Variants in TAS1R1 observed in about 807,000 individuals in gnomAD.
TAS1R1 encodes the protein taste 1 receptor member 1, also known as taste receptor type 1 member 1.
TAS1R1 carries 31 observed loss-of-function variants against 45.8 expected under a neutral mutation model. The observed-to-expected ratio is 0.68, with a 90% CI of 0.51 to 0.91. The LOEUF (loss-of-function observed/expected upper bound fraction) is 0.91. TAS1R1 is among the 40% of genes least tolerant of loss of function. TAS1R1 has a pLI of 0.00. For synonymous variants in TAS1R1, 437 were observed against 448.4 expected, an observed-to-expected ratio of 0.97 and a Z score of 0.32; for missense variants, 1,051 against 1,063.9, an observed-to-expected ratio of 0.99 and a Z score of 0.17.
At chr1:6,558,114 A>G (rs2148666115) in intron 1 of TAS1R1, among the ~76,000 whole-genome samples, 1 of 149,676 alleles carries the variant, frequency 6.7e-6, no homozygotes, top group Middle Eastern at 3.5e-3. Flanking sequence ...TGGTACAATC[A>G]TAGCTCACTG....
At chr1:6,571,691 G>A (rs1640021695) in intron 2 of TAS1R1, among the ~76,000 whole-genome samples, 1 of 152,170 alleles carries the variant, frequency 6.6e-6, no homozygotes, top group Non-Finnish European at 1.5e-5. Flanking sequence ...GTGGTGGTGT[G>A]TGCCTGTAAT....
chr1:6,557,681 C>G (rs1355812072), intron 1 of TAS1R1, among the ~76,000 whole-genome samples: 2 of 152,210 alleles, frequency 1.3e-5, no homozygotes, highest in East Asian at 1.9e-4. Flanking sequence ...AAGTGATTCT[C>G]CTGCCTGGGC....
intron 3 of TAS1R1, 67 bp downstream of exon 3, chr1:6,575,459 C>T (rs1253048054): frequency 6.8e-7 from 1 of 1,467,784 alleles, no homozygotes; most frequent in Non-Finnish European, 9.0e-7. Context: ...GCAGAGTGGG[C>T]ACTCTCCGGT....
Position 6,579,676 on chromosome 1 carries a change from C to T in TAS1R1, c.*92C>T. The T allele has an allele frequency of 1.3e-6, 2 of 1,490,824 alleles. No individual in the cohort carries two copies. The highest frequency in any genetic ancestry group is 1.8e-6 in the Non-Finnish European group (2 of 1,127,128). The allele number at this position is 1,490,824 out of a possible 1,614,324, so 92.3% of individuals were successfully genotyped here. A position where few individuals can be genotyped will look rare whatever the true frequency, so the allele number is the denominator to read the frequency against. On this transcript the variant is annotated 3_prime_UTR_variant, in exon 6 of 6. Coordinates refer to ENST00000333172, the MANE Select transcript of TAS1R1 (RefSeq NM_138697.4). Reference sequence around the variant, plus strand: ...GGGTGTCCGGGAGGTCTTTGGGCATCGCGGTCTGGGGTTGGGACGTGTAAG... The same window carrying T: ...GGGTGTCCGGGAGGTCTTTGGGCATTGCGGTCTGGGGTTGGGACGTGTAAG...
intron 1 of TAS1R1, among the ~76,000 whole-genome samples, chr1:6,561,843 C>T (rs940881015): frequency 3.3e-5 from 5 of 152,080 alleles, no homozygotes; most frequent in African/African-American, 1.2e-4. Context: ...TTGGGGTGAT[C>T]AGGCCCAACA....
At chr1:6,564,819 G>C (rs1247513581) in intron 1 of TAS1R1, among the ~76,000 whole-genome samples, 2 of 152,242 alleles carry the variant, frequency 1.3e-5, no homozygotes, top group Non-Finnish European at 2.9e-5. Flanking sequence ...GTCTATAAGA[G>C]TAAGAAGAAA....
intron 1 of TAS1R1, among the ~76,000 whole-genome samples, chr1:6,562,785 G>A (rs1639812211): frequency 6.6e-6 from 1 of 152,196 alleles, no homozygotes; most frequent in Non-Finnish European, 1.5e-5. Flanking sequence ...AGCAGACATA[G>A]GTTGAGGTTC....
chr1:6,576,589 A>G lies in TAS1R1; in HGVS notation c.1435A>G (p.Asn479Asp). ...STWSPVQLNI[N>D]ETKIQWHGKD... ...ATGGTCTCCAGTTCAGCTAAACATA[A>G]ATGAGACCAAAATCCAGTGGCACGG... Residue 479 changes from asparagine (N) to aspartate (D), a missense_variant, in exon 4 of 6, where the codon AAT (asparagine) becomes GAT (aspartate). Coordinates refer to ENST00000333172, the MANE Select transcript of TAS1R1 (RefSeq NM_138697.4). 1 of 1,614,062 alleles carries G rather than the reference A, an allele frequency of 6.2e-7. No individual in the cohort carries two copies.
Position 6,555,340 on chromosome 1 carries a change from C to A in TAS1R1, c.-34C>A. The A allele has an allele frequency of 6.5e-7, 1 of 1,535,732 alleles. No individual in the cohort carries two copies. Among genetic ancestry groups the A allele is most frequent in the Non-Finnish European group, 8.8e-7 (1 of 1,138,144 alleles). On this transcript the variant is annotated 5_prime_UTR_variant, in exon 1 of 6. Transcript: ENST00000333172. ...GCAACTGGCCTCCTTAGAGGCCACT[C>A]CTTGGCCATGCCAGGCGCGGGCATC...
At chr1:6,557,293 A>G (rs766345281) in intron 1 of TAS1R1, among the ~76,000 whole-genome samples, 1 of 152,138 alleles carries the variant, frequency 6.6e-6, no homozygotes, top group Non-Finnish European at 1.5e-5. Flanking sequence ...CAGATACCTG[A>G]AGAATTGTCT....
chr1:6,570,868 C>A (rs1639991247), intron 1 of TAS1R1, 41 bp from the exon 2 acceptor site: 3 of 1,553,412 alleles, frequency 1.9e-6, no homozygotes, highest in Non-Finnish European at 2.6e-6. Flanking sequence ...CTCAGCAGGC[C>A]TTTGTCCTTC....
In TAS1R1 at chr1:6,564,796, G is replaced by A. The variant is rs1042820967; in HGVS notation, c.192-6113G>A. On this transcript the variant is annotated intron_variant, in intron 1 of 5. Transcript: ENST00000333172. ...GAAGAGGTCAGAAATGCTTCTACCC[G>A]CTCAGAGAAGGTGTCTATAAGAGTA... is the stretch of plus-strand genomic sequence containing the variant. 2.6e-5 allele frequency among the ~76,000 whole-genome samples: 4 copies of A among 152,182 alleles called. 1 individual carries two copies. Among genetic ancestry groups the A allele is most frequent in the African/African-American group, 7.2e-5 (3 of 41,430 alleles).
intron 1 of TAS1R1, among the ~76,000 whole-genome samples, chr1:6,564,522 G>C (rs1045429969): frequency 6.6e-6 from 1 of 152,132 alleles, no homozygotes; most frequent in African/African-American, 2.4e-5. Flanking sequence ...GGAGGTCCAG[G>C]GTTTCTGGAC....
intron 1 of TAS1R1, among the ~76,000 whole-genome samples, chr1:6,567,140 A>G (rs910544917): frequency 4.6e-5 from 7 of 152,176 alleles, no homozygotes; most frequent in Non-Finnish European, 1.0e-4. Context: ...TAGAAAGACT[A>G]TGAGAAAATG....
intron 2 of TAS1R1, among the ~76,000 whole-genome samples, chr1:6,572,038 C>T (rs978196346): frequency 8.5e-5 from 13 of 152,090 alleles, no homozygotes; most frequent in African/African-American, 3.1e-4. Context: ...CCCATGGGTT[C>T]CTGCCTGGCC....
At chr1:6,575,680 G>A (rs1167100160) in intron 3 of TAS1R1, among the ~76,000 whole-genome samples, 1 of 141,554 alleles carries the variant, frequency 7.1e-6, no homozygotes, top group Non-Finnish European at 1.5e-5. Flanking sequence ...CACCATGCCT[G>A]GATAATTTTT....
In TAS1R1 at chr1:6,579,341, T is replaced by A. The variant is rs1457088766; in HGVS notation, c.2283T>A (p.Cys761Ter). The A allele has an allele frequency of 6.2e-7, 1 of 1,614,082 alleles. No individual in the cohort carries two copies. Among genetic ancestry groups the A allele is most frequent in the Admixed American group, 1.7e-5 (1 of 60,026 alleles). The part of the protein sequence containing the change: ...DLPENYNEAK[C>*]VTFSLLFNFV... Reference sequence around the variant, plus strand: ...CAGAGAACTACAACGAGGCCAAATGTGTCACCTTCAGCCTGCTCTTCAACT... The same window carrying A: ...CAGAGAACTACAACGAGGCCAAATGAGTCACCTTCAGCCTGCTCTTCAACT... The change falls in exon 6 of 6, where the codon TGT becomes TGA. Residue 761 changes from cysteine (C) to a stop codon, truncating the protein, a stop_gained. Coordinates refer to ENST00000333172, the MANE Select transcript of TAS1R1 (RefSeq NM_138697.4). LOFTEE classifies it low-confidence loss of function (END_TRUNC).
chr1:6,562,313 C>T (rs552565580), intron 1 of TAS1R1, among the ~76,000 whole-genome samples: 2 of 152,234 alleles, frequency 1.3e-5, no homozygotes, highest in African/African-American at 2.4e-5. Flanking sequence ...GGACTACAGG[C>T]GACCGCCACC....
At chr1:6,555,964 C>T (rs1015097894) in intron 1 of TAS1R1, among the ~76,000 whole-genome samples, 3 of 150,730 alleles carry the variant, frequency 2.0e-5, no homozygotes, top group South Asian at 4.2e-4. Context: ...CTCCGCCTTC[C>T]GGGTTCACGC....
Sources: allele counts gnomAD v4.1 joint callset (sites outside exome capture counted in the v4.1 genomes callset), GRCh38; gene constraint gnomAD v4.1.1; transcripts MANE v1.5; gene names NCBI Gene and HGNC (gene_info 2026-07-23, HGNC 2026-07-21).